Variants in NLRP8 observed in about 807,000 individuals in gnomAD.
The protein encoded by NLRP8 is NACHT, LRR and PYD domains-containing protein 8.
Under a neutral mutation model 88.7 loss-of-function variants are expected in NLRP8, and 86 were observed. The observed-to-expected ratio is 0.97, with a 90% confidence interval of 0.81 to 1.16. The LOEUF is 1.16. Ranked by LOEUF, NLRP8 falls within the 50% of genes most tolerant of loss-of-function variation. The pLI is 0.00. For synonymous variants in NLRP8, 504 were observed against 494.6 expected (o/e 1.02, Z -0.25); for missense variants, 1,342 against 1,286.5 (o/e 1.04, Z -0.66).
chr19:55,986,528 CAGCTG>C (rs1980849535), intron 9 of NLRP8, among the ~76,000 whole-genome samples: 1 of 150,842 alleles, frequency 6.6e-6, no homozygotes, highest in African/African-American at 2.5e-5. Flanking sequence ...TCAGGACAGC[CAGCTG>C]AAGGCTGTGA....
At chr19:55,986,455 CACACACACTCTCTCACAT>C (rs1456515145) in intron 9 of NLRP8, among the ~76,000 whole-genome samples, 1,495 of 38,740 alleles carry the variant, frequency 0.039, 16 homozygotes, top group South Asian at 0.08. Context: ...CTCTCTCTCA[CACACACACTCTCTCACAT>C]ACACACACAC....
intron 4 of NLRP8, among the ~76,000 whole-genome samples, chr19:55,963,402 G>A (rs1979700396): frequency 6.6e-6 from 1 of 152,178 alleles, no homozygotes; most frequent in Non-Finnish European, 1.5e-5. Context: ...TCACTCCAAG[G>A]CAGACAGCCT....
intron 1 of NLRP8, among the ~76,000 whole-genome samples, chr19:55,950,584 C>A (rs189455409): frequency 6.6e-6 from 1 of 152,160 alleles, no homozygotes; most frequent in South Asian, 2.1e-4. Flanking sequence ...AGCAACGCAG[C>A]AAAAAAATCG....
chr19:55,986,508 AC>A (rs1980847315), intron 9 of NLRP8, among the ~76,000 whole-genome samples: 1 of 149,880 alleles, frequency 6.7e-6, no homozygotes, highest in African/African-American at 2.5e-5. Flanking sequence ...ACACACACAC[AC>A]TAATTGCTTC....
chr19:55,955,579 C>G lies in NLRP8; in HGVS notation c.1521C>G (p.Leu507=). The G allele has an allele frequency of 6.2e-7, 1 of 1,614,170 alleles. No individual in the cohort carries two copies. Residue 507 remains leucine, a synonymous_variant, in exon 3 of 10, where the codon CTC becomes CTG. Transcript: ENST00000291971. ...AGGAAGACCACTATGTCTTTACCCT[C>G]GTGACTTTTCAGGAATTTTTTGCGG...
intron 1 of NLRP8, among the ~76,000 whole-genome samples, chr19:55,949,926 C>T (rs1979016506): frequency 6.6e-6 from 1 of 151,878 alleles, no homozygotes; most frequent in Admixed American, 6.6e-5. Context: ...GATAAGGCAG[C>T]CTAGGAAGTC....
At chr19:55,962,460 G>T (rs1979658271) in intron 4 of NLRP8, among the ~76,000 whole-genome samples, 2 of 152,160 alleles carry the variant, frequency 1.3e-5, no homozygotes, top group South Asian at 4.1e-4. Context: ...TGTTAGCTTG[G>T]TGCAAATGCC....
intron 3 of NLRP8, among the ~76,000 whole-genome samples, chr19:55,956,754 C>T (rs529312345): frequency 1.3e-5 from 2 of 152,204 alleles, no homozygotes; most frequent in South Asian, 4.1e-4. Context: ...CTCCCTCCCT[C>T]TGTGCTGCAT....
chr19:55,971,713 G>A (rs62130166), intron 6 of NLRP8, among the ~76,000 whole-genome samples: 10,850 of 152,104 alleles, frequency 0.071, 425 homozygotes, highest in Non-Finnish European at 0.085. Flanking sequence ...GAATTGCAGG[G>A]CCTTGGTGAG....
chr19:55,951,190 C>T (rs1037975064), intron 1 of NLRP8, among the ~76,000 whole-genome samples: 31 of 152,332 alleles, frequency 2.0e-4, no homozygotes, highest in African/African-American at 6.5e-4. Context: ...GGAGAAAATA[C>T]GCTTGTTAGC....
At chr19:55,954,436 C>T (rs2123187190) in intron 2 of NLRP8, 65 bp from the exon 3 acceptor site, 1 of 1,494,782 alleles carries the variant, frequency 6.7e-7, no homozygotes, top group Non-Finnish European at 9.1e-7. Context: ...TTTCTTATTG[C>T]TCTATTAGTT....
intron 8 of NLRP8, among the ~76,000 whole-genome samples, 182 bp downstream of exon 8, chr19:55,976,485 G>A (rs779980722): frequency 7.2e-5 from 11 of 152,088 alleles, no homozygotes; most frequent in Non-Finnish European, 1.3e-4. Context: ...CAGCAGTTTC[G>A]CCTGGGCAGG....
At chr19:55,971,590 TTTAG>T (rs1331539240) in intron 6 of NLRP8, among the ~76,000 whole-genome samples, 2 of 152,140 alleles carry the variant, frequency 1.3e-5, no homozygotes, top group South Asian at 2.1e-4. Flanking sequence ...GATCCAAGAA[TTTAG>T]TTATTCATTC....
chr19:55,974,567 T>A (rs1454275132), intron 7 of NLRP8, among the ~76,000 whole-genome samples: 1 of 151,912 alleles, frequency 6.6e-6, no homozygotes, highest in Non-Finnish European at 1.5e-5. Flanking sequence ...AAACCCCGTC[T>A]CTACTAAAAA....
chr19:55,952,614 T>C lies in NLRP8; in HGVS notation c.442+2T>C, dbSNP rs891110175. On this transcript the variant is annotated splice_donor_variant, in intron 2 of 9. Transcript: ENST00000291971. LOFTEE classifies it high-confidence loss of function. ...TGAATCTGGAGGAAGGAGAATCTGG[T>C]ATGTGCCTGTATCACAGCAGACCCT... 1.4e-5 allele frequency: 23 copies of C among 1,612,660 alleles called. No individual in the cohort carries two copies. Among genetic ancestry groups the C allele is most frequent in the Non-Finnish European group, 1.9e-5 (22 of 1,178,788 alleles).
rs566060139 is a variant in NLRP8 at position 55,952,123 on chromosome 19, C to T, written c.368-415C>T. Among the ~76,000 whole-genome samples the T allele has an allele frequency of 2.0e-5, 3 of 152,230 alleles. No homozygotes were observed. In the East Asian group the frequency reaches 5.8e-4, roughly 29 times the overall value. ...GGGTTTTTAGTTTATGTTCCATCCT[C>T]AGTTGGTTGATCCCACCGATGTAGA... On this transcript the variant is annotated intron_variant, in intron 1 of 9. Coordinates refer to ENST00000291971, the MANE Select transcript of NLRP8 (RefSeq NM_176811.2).
At chr19:55,973,481 C>T (rs1263161609) in intron 6 of NLRP8, among the ~76,000 whole-genome samples, 171 bp from the exon 7 acceptor site, 1 of 152,174 alleles carries the variant, frequency 6.6e-6, no homozygotes, top group East Asian at 1.9e-4. Flanking sequence ...CCACCATTCC[C>T]ACATCGAAGC....
rs964812450 is a variant in NLRP8, at chr19:55,954,845, A to C, written c.787A>C (p.Lys263Gln). 7 of 1,614,084 alleles carry C rather than the reference A, an allele frequency of 4.3e-6. No individual in the cohort carries two copies. The highest frequency in any genetic ancestry group is 5.1e-6 in the Non-Finnish European group (6 of 1,180,052). The change falls in exon 3 of 10, where the codon AAG becomes CAG. Residue 263 changes from lysine (K) to glutamine (Q), a missense_variant. Transcript: ENST00000291971. ...GAGCTTCTCCGAGCTGATTGAGCAA[A>C]AGTGGCCTGGATCTCAGGACCTCGT...
intron 9 of NLRP8, among the ~76,000 whole-genome samples, chr19:55,985,310 TA>T (rs1415980880): frequency 7.1e-6 from 1 of 140,976 alleles, no homozygotes; most frequent in Non-Finnish European, 1.5e-5. Flanking sequence ...CTCAAAAAAA[TA>T]AAAATGAAAA....
Sources: allele counts gnomAD v4.1 joint callset (sites outside exome capture counted in the v4.1 genomes callset), GRCh38; gene constraint gnomAD v4.1.1; transcripts MANE v1.5; gene names NCBI Gene and HGNC (gene_info 2026-07-23, HGNC 2026-07-21).